LBX2: variants seen among roughly 807,000 people sequenced by gnomAD.
LBX2 encodes the protein transcription factor LBX2.
Under a neutral mutation model 7.5 loss-of-function variants are expected in LBX2, and 6 were observed. That is an observed-to-expected ratio of 0.80 (90% CI 0.44 to 1.59). The LOEUF is 1.59. LBX2 is among the 40% of genes most tolerant of loss of function. The pLI is 0.01. For missense variants in LBX2, 281 were observed against 282.0 expected, an observed-to-expected ratio of 1.00 and a Z score of 0.03; for synonymous variants, 143 against 133.2, an observed-to-expected ratio of 1.07 and a Z score of -0.51.
chr2:74,502,899 C>G, upstream of LBX2: 1 of 1,535,078 alleles, frequency 6.5e-7, no homozygotes, highest in Non-Finnish European at 8.9e-7. The surrounding 1 kb of genome is among the most constrained non-coding windows in gnomAD (Gnocchi z 5.4). Flanking sequence ...GAGAGGGACC[C>G]GTCCTCCTCT....
Position 74,499,397 on chromosome 2 carries a change from C to G in LBX2, c.141G>C (p.Ala47=), listed in dbSNP as rs958746287. The G allele has an allele frequency of 2.6e-6, 4 of 1,550,516 alleles. No homozygotes were observed. The highest frequency in any genetic ancestry group is 3.5e-6 in the Non-Finnish European group (4 of 1,147,010). ...AAGTTTTACTAGTCAGCTCCTCCAG[C>G]GCGCACAGCGGCGACGTTGGACCCG... ...SGPGPTSPLC[A]LEELTSKTFR... The change falls in exon 1 of 2, where the codon GCG becomes GCC. Residue 47 remains alanine, a synonymous_variant. Transcript: ENST00000377566. This position sits in a 1 kb window ranked among gnomAD's most constrained non-coding sequence, Gnocchi z 4.6.
upstream of LBX2, chr2:74,503,106 T>G: frequency 2.2e-6 from 1 of 463,680 alleles, no homozygotes; most frequent in Non-Finnish European, 3.8e-6. The surrounding 1 kb of genome is among the most constrained non-coding windows in gnomAD (Gnocchi z 5.1). Context: ...CCACCTCTCC[T>G]TTGACTCAGG....
chr2:74,502,955 G>A, upstream of LBX2: 1 of 1,090,126 alleles, frequency 9.2e-7, no homozygotes, highest in East Asian at 2.6e-5. This position sits in a 1 kb window ranked among gnomAD's most constrained non-coding sequence, Gnocchi z 5.4. Context: ...CTTTGGATGT[G>A]AGTCCTGGAA....
At chr2:74,502,786 C>T, upstream of LBX2, 1 of 1,614,072 alleles carries the variant, frequency 6.2e-7, no homozygotes. The surrounding 1 kb of genome is among the most constrained non-coding windows in gnomAD (Gnocchi z 5.4). Flanking sequence ...CGGTGGGAAA[C>T]TCCGACGCCC....
upstream of LBX2, chr2:74,499,780 C>T (rs1674446919): frequency 8.6e-6 from 5 of 579,596 alleles, no homozygotes; most frequent in Non-Finnish European, 1.5e-5. The surrounding 1 kb of genome is among the most constrained non-coding windows in gnomAD (Gnocchi z 4.6). Flanking sequence ...AGAGCAGAAG[C>T]CGACCAAACT....
At chr2:74,498,370 C>A in intron 1 of LBX2, 52 bp from the exon 2 acceptor site, 1 of 1,434,436 alleles carries the variant, frequency 7.0e-7, no homozygotes, top group Admixed American at 2.8e-5. Context: ...TCAGGCTGGG[C>A]CTGGAAAGAA....
intron 1 of LBX2, among the ~76,000 whole-genome samples, chr2:74,498,521 G>C (rs541372740): frequency 6.6e-6 from 1 of 152,250 alleles, no homozygotes; most frequent in Non-Finnish European, 1.5e-5. Flanking sequence ...CTGGCCACAG[G>C]GGTGCGAAAG....
chr2:74,503,246 C>T (rs1387181389), upstream of LBX2: 4 of 191,814 alleles, frequency 2.1e-5, no homozygotes, highest in Non-Finnish European at 3.2e-5. This position sits in a 1 kb window ranked among gnomAD's most constrained non-coding sequence, Gnocchi z 5.1. Flanking sequence ...GGGGAATGGA[C>T]CCATAGACCC....
chr2:74,503,054 T>C, upstream of LBX2: 1 of 554,044 alleles, frequency 1.8e-6, no homozygotes, highest in South Asian at 2.5e-5. The surrounding 1 kb of genome is among the most constrained non-coding windows in gnomAD (Gnocchi z 5.1). Context: ...CACGGCCGAG[T>C]GCGTCCGGGG....
chr2:74,499,624 C>G (rs1193735358), upstream of LBX2: 4 of 1,404,984 alleles, frequency 2.8e-6, no homozygotes, highest in Non-Finnish European at 3.8e-6. This position sits in a 1 kb window ranked among gnomAD's most constrained non-coding sequence, Gnocchi z 4.6. Context: ...CAATCCGGGC[C>G]CCCAGCCTCG....
At chr2:74,502,653 C>G (rs748980744), upstream of LBX2, 15 of 1,613,346 alleles carry the variant, frequency 9.3e-6, no homozygotes, top group Non-Finnish European at 1.2e-5. The surrounding 1 kb of genome is among the most constrained non-coding windows in gnomAD (Gnocchi z 5.4). Flanking sequence ...GTCCTTATAT[C>G]TTAGTTTCGT....
At chr2:74,500,486 T>C (rs1674463566), upstream of LBX2, among the ~76,000 whole-genome samples, 3 of 151,926 alleles carry the variant, frequency 2.0e-5, no homozygotes, top group Admixed American at 2.0e-4. Flanking sequence ...CAGAGAGGGG[T>C]CACTCCCCAT....
upstream of LBX2, among the ~76,000 whole-genome samples, chr2:74,500,610 C>T (rs1674465043): frequency 6.6e-6 from 1 of 152,180 alleles, no homozygotes; most frequent in Admixed American, 6.5e-5. Flanking sequence ...TAATCTGGGC[C>T]CTTTTTATCT....
rs776575638 is a variant in LBX2, at chr2:74,499,555, C to T, written c.-18G>A. 13 of 1,541,864 alleles carry T rather than the reference C, an allele frequency of 8.4e-6. 1 individual carries two copies. The South Asian group carries it at 1.6e-4, about 18-fold the overall frequency. ...GAGTTCATGGTCGGCCGGGCTGGGG[C>T]GGTCCGGCTGTCCGTTGCGCTAGGC... is the stretch of plus-strand genomic sequence containing the variant. On this transcript the variant is annotated 5_prime_UTR_variant, in exon 1 of 2. Transcript: ENST00000377566. The surrounding 1 kb of genome is among the most constrained non-coding windows in gnomAD (Gnocchi z 4.6).
chr2:74,502,780 G>A, upstream of LBX2: 3 of 1,614,030 alleles, frequency 1.9e-6, no homozygotes, highest in South Asian at 1.1e-5. The surrounding 1 kb of genome is among the most constrained non-coding windows in gnomAD (Gnocchi z 5.4). Context: ...AGCCAGCGGT[G>A]GGAAACTCCG....
rs144660513 is a variant in LBX2 at position 74,497,942 on chromosome 2, T to C, written c.582A>G (p.Ile194Met). The C allele has an allele frequency of 5.2e-4, 825 of 1,582,654 alleles. 2 individuals are homozygous for C. The highest frequency in any genetic ancestry group is 5.2e-4 in the Non-Finnish European group (605 of 1,161,694). ...DSRPHLSDEEIQVDD is the reference protein window; with the variant it reads ...DSRPHLSDEEMQVDD ...GGCTTTGTCTTCAATCGTCCACCTG[T>C]ATCTCCTCGTCTGACAGGTGGGGCC... Residue 194 changes from isoleucine to methionine, a missense_variant, in exon 2 of 2, where the codon ATA becomes ATG. By Grantham distance (10) the Ile-to-Met change is conservative. Around this residue, in one of 3 missense-constraint regions of LBX2, gnomAD observed 59 missense variants for 52.9 expected, o/e 1.11. Transcript: ENST00000377566.
Position 74,498,143 on chromosome 2 carries a change from C to A in LBX2, c.381G>T (p.Ala127=), listed in dbSNP as rs1362190147. The change falls in exon 2 of 2, where the codon GCG becomes GCT. Residue 127 remains alanine (A), a synonymous_variant. Transcript: ENST00000377566. ...GLATRLGLAN[A]QVVTWFQNRR... ...GGTTCTGGAACCAAGTGACCACCTG[C>A]GCGTTGGCCAGGCCGAGTCGCGTAG... 1 of 1,611,722 alleles carries A rather than the reference C, an allele frequency of 6.2e-7. No individual in the cohort carries two copies. Among genetic ancestry groups the A allele is most frequent in the Non-Finnish European group, 8.5e-7 (1 of 1,178,778 alleles).
upstream of LBX2, chr2:74,503,031 C>A: frequency 1.7e-6 from 1 of 589,256 alleles, no homozygotes; most frequent in Non-Finnish European, 2.9e-6. The surrounding 1 kb of genome is among the most constrained non-coding windows in gnomAD (Gnocchi z 5.1). Flanking sequence ...GACGCCTTGT[C>A]CCGGAAGCGC....
At chr2:74,501,580 T>A (rs1674485219), upstream of LBX2, 1 of 152,314 alleles carries the variant, frequency 6.6e-6, no homozygotes, top group African/African-American at 2.4e-5. Context: ...TTCTCCCCTC[T>A]GCAGCTGGGC....
Sources: allele counts gnomAD v4.1 joint callset (sites outside exome capture counted in the v4.1 genomes callset), GRCh38; gene constraint gnomAD v4.1.1; regional missense constraint gnomAD v4.1.1; non-coding constraint Gnocchi (gnomAD v3.1); transcripts MANE v1.5; gene names NCBI Gene and HGNC (gene_info 2026-07-23, HGNC 2026-07-21).